The following EFNA5 variants were observed in gnomAD, a reference collection of about 807,000 sequenced individuals.
EFNA5 encodes ephrin-A5.
Under a neutral mutation model 22.9 loss-of-function variants are expected in EFNA5, and 5 were observed. The ratio of observed to expected loss-of-function variants is 0.22; its 90% CI spans 0.11 to 0.46. The LOEUF is 0.46. EFNA5 is among the 20% of genes least tolerant of loss of function. The pLI is 0.99. For synonymous variants in EFNA5, 113 were observed against 112.2 expected (o/e 1.01, Z -0.04); for missense variants, 237 against 293.3 (o/e 0.81, Z 1.40).
chr5:107,546,885 A>G (rs900308556), intron 1 of EFNA5, among the ~76,000 whole-genome samples: 1 of 152,160 alleles, frequency 6.6e-6, no homozygotes, highest in Non-Finnish European at 1.5e-5. Flanking sequence ...GGTAAATTGT[A>G]ATGTTCTAAC....
In EFNA5 at chr5:107,549,527, A is replaced by C. The variant is rs546974339; in HGVS notation, c.125+120962T>G. On this transcript the variant is annotated intron_variant, in intron 1 of 4. Transcript: ENST00000333274. ...AGAAGTATCCAGTCCCTAAGAGTAAACTGGGGTTCTTTTGAACAGATGGGC... is the reference window on the plus strand; with the variant it reads ...AGAAGTATCCAGTCCCTAAGAGTAACCTGGGGTTCTTTTGAACAGATGGGC... 2.0e-5 allele frequency among the ~76,000 whole-genome samples: 3 copies of C among 152,322 alleles called. 1 individual carries two copies. The highest frequency in any genetic ancestry group is 7.2e-5 in the African/African-American group (3 of 41,584).
intron 1 of EFNA5, among the ~76,000 whole-genome samples, chr5:107,528,738 T>C (rs1298236964): frequency 6.6e-6 from 1 of 152,206 alleles, no homozygotes; most frequent in Non-Finnish European, 1.5e-5. Flanking sequence ...GGTCAAACTA[T>C]TGCAAATGAA....
At chr5:107,544,686 T>A (rs1748112575) in intron 1 of EFNA5, among the ~76,000 whole-genome samples, 1 of 152,196 alleles carries the variant, frequency 6.6e-6, no homozygotes, top group Non-Finnish European at 1.5e-5. Context: ...GTTCTTGGGA[T>A]ATTCCTCAGT....
intron 1 of EFNA5, among the ~76,000 whole-genome samples, chr5:107,513,484 A>G (rs1747416245): frequency 6.6e-6 from 1 of 152,174 alleles, no homozygotes; most frequent in African/African-American, 2.4e-5. Context: ...CTTGTGTAGC[A>G]AGTGGAAGCC....
chr5:107,634,883 T>C (rs1215370212), intron 1 of EFNA5, among the ~76,000 whole-genome samples: 5 of 152,124 alleles, frequency 3.3e-5, no homozygotes, highest in African/African-American at 9.7e-5. Context: ...TAAAACTAGA[T>C]ACCAGTAAGG....
At chr5:107,541,933 T>A (rs1748057138) in intron 1 of EFNA5, among the ~76,000 whole-genome samples, 1 of 152,238 alleles carries the variant, frequency 6.6e-6, no homozygotes, top group Admixed American at 6.5e-5. Context: ...ACTACAGTTT[T>A]ATTTTTATAT....
intron 1 of EFNA5, among the ~76,000 whole-genome samples, chr5:107,436,335 G>A (rs1749110317): frequency 6.6e-6 from 1 of 152,172 alleles, no homozygotes; most frequent in Non-Finnish European, 1.5e-5. Flanking sequence ...AGCTTTGGGT[G>A]ACAGTCTAAT....
chr5:107,427,124 G>A (rs750546244), intron 2 of EFNA5, 93 bp downstream of exon 2: 3 of 1,366,982 alleles, frequency 2.2e-6, no homozygotes, highest in East Asian at 4.8e-5. Flanking sequence ...GTAATGCAGA[G>A]TCCAGCTCTC....
rs149656578 is a variant in EFNA5 at position 107,583,119 on chromosome 5, T to A, written c.125+87370A>T. Among the ~76,000 whole-genome samples the A allele has an allele frequency of 3.8e-3, 581 of 152,282 alleles. 2 individuals carry two copies. The highest frequency in any genetic ancestry group is 6.4e-3 in the Non-Finnish European group (432 of 68,016). ...TAAAGAATTTTAATCCTATAAAATTTAGGTATACAAAGATCCAAGGATCTC... is the reference window on the plus strand; with the variant it reads ...TAAAGAATTTTAATCCTATAAAATTAAGGTATACAAAGATCCAAGGATCTC... On this transcript the variant is annotated intron_variant, in intron 1 of 4. Coordinates refer to ENST00000333274, the MANE Select transcript of EFNA5 (RefSeq NM_001962.3).
chr5:107,533,643 T>G (rs990437305), intron 1 of EFNA5, among the ~76,000 whole-genome samples: 1 of 135,670 alleles, frequency 7.4e-6, no homozygotes, highest in Non-Finnish European at 1.5e-5. Flanking sequence ...TCTAATTAGA[T>G]CATTAGATCC....
intron 1 of EFNA5, among the ~76,000 whole-genome samples, chr5:107,435,975 T>C (rs1220189658): frequency 6.6e-6 from 1 of 152,228 alleles, no homozygotes; most frequent in Non-Finnish European, 1.5e-5. Flanking sequence ...TTTATTATAC[T>C]ACCCTGTCAC....
Position 107,380,649 on chromosome 5 carries a change from T to TAAA in EFNA5, c.*603_*605dup. On this transcript the variant is annotated 3_prime_UTR_variant, in exon 5 of 5. Coordinates refer to ENST00000333274, the MANE Select transcript of EFNA5 (RefSeq NM_001962.3). ...CAAGAATGCTTTAAGACAGTCATATTAAAAAAAAAAACCAGTGTCTCAACC... is the reference window on the plus strand; with the variant it reads ...CAAGAATGCTTTAAGACAGTCATATTAAAAAAAAAAAAAACCAGTGTCTCAACC... 2 of 324,148 alleles carry TAAA rather than the reference T, an allele frequency of 6.2e-6. No individual in the cohort carries two copies. Among genetic ancestry groups the TAAA allele is most frequent in the Non-Finnish European group, 5.6e-6 (1 of 180,002 alleles). 20.1% of individuals were successfully genotyped at this position (324,148 alleles called of 1,614,324 possible). A position where few individuals can be genotyped will look rare whatever the true frequency, so the allele number is the denominator to read the frequency against.
At chr5:107,513,015 G>C (rs1315736431) in intron 1 of EFNA5, among the ~76,000 whole-genome samples, 1 of 152,118 alleles carries the variant, frequency 6.6e-6, no homozygotes, top group Admixed American at 6.5e-5. Flanking sequence ...CCTTCCTGAT[G>C]GGTACTTACG....
intron 1 of EFNA5, among the ~76,000 whole-genome samples, chr5:107,621,660 G>T (rs1750042242): frequency 6.6e-6 from 1 of 152,074 alleles, no homozygotes; most frequent in Non-Finnish European, 1.5e-5. Context: ...GTGTAAATAG[G>T]ACTAATACCT....
intron 1 of EFNA5, among the ~76,000 whole-genome samples, chr5:107,546,898 G>A (rs996413986): frequency 6.6e-6 from 1 of 152,074 alleles, no homozygotes; most frequent in African/African-American, 2.4e-5. Context: ...GTTCTAACAT[G>A]CCAATGAATG....
At chr5:107,460,245 T>G (rs562540297) in intron 1 of EFNA5, among the ~76,000 whole-genome samples, 1 of 152,298 alleles carries the variant, frequency 6.6e-6, no homozygotes, top group South Asian at 2.1e-4. Flanking sequence ...ATCCTCATAT[T>G]GATGAGACGA....
At chr5:107,580,705 G>C (rs1387434166) in intron 1 of EFNA5, among the ~76,000 whole-genome samples, 2 of 108,926 alleles carry the variant, frequency 1.8e-5, no homozygotes, top group Non-Finnish European at 3.5e-5. Flanking sequence ...CTGGGCAAAA[G>C]AGCAAGACTC....
intron 4 of EFNA5, 49 bp downstream of exon 4, chr5:107,387,185 AC>A: frequency 7.6e-7 from 1 of 1,313,586 alleles, no homozygotes; most frequent in Non-Finnish European, 1.1e-6. Context: ...ATACGGAAGC[AC>A]CAGAGAAATA....
chr5:107,422,489 A>G (rs1000200256), intron 2 of EFNA5, among the ~76,000 whole-genome samples: 4 of 152,226 alleles, frequency 2.6e-5, no homozygotes, highest in African/African-American at 9.6e-5. Context: ...CCTCTTGGAT[A>G]AAGACATTGT....
Sources: gnomAD v4.1 joint callset for allele counts (sites outside exome capture counted in the v4.1 genomes callset) on GRCh38, gnomAD v4.1.1 for gene constraint, MANE v1.5 for transcripts, NCBI Gene and HGNC (gene_info 2026-07-23, HGNC 2026-07-21) for gene names.